GGT5: variants seen among roughly 807,000 people sequenced by gnomAD.
The protein encoded by GGT5 is glutathione hydrolase 5 proenzyme.
In GGT5, 50 loss-of-function variants were observed where a neutral mutation model predicts 58.1. The ratio of observed to expected loss-of-function variants is 0.86; its 90% CI spans 0.69 to 1.09. The LOEUF is 1.09. Ranked by LOEUF, GGT5 falls within the 50% of genes least tolerant of loss-of-function variation. GGT5 has a pLI of 0.00. For synonymous variants in GGT5, 370 were observed against 346.1 expected, an observed-to-expected ratio of 1.07 and a Z score of -0.77; for missense variants, 800 against 789.4, an observed-to-expected ratio of 1.01 and a Z score of -0.16.
In GGT5 at chr22:24,233,543, G is replaced by C; in HGVS notation, c.355C>G (p.Pro119Ala). Residue 119 changes from proline to alanine, a missense_variant, in exon 3 of 12, where the codon CCG becomes GCG. Physicochemically the swap from Pro to Ala is conservative, Grantham distance 27 (BLOSUM62 -1). Coordinates refer to ENST00000327365, the MANE Select transcript of GGT5 (RefSeq NM_004121.5). ...TGTGCACACTGGTCCAGCAGGCTCG[G>C]GGCGTGGCTGGCCGGCACCGTCTCC... is the stretch of plus-strand genomic sequence containing the variant. ...ARETVPASHA[P>A]SLLDQCAQAL... 6.2e-7 allele frequency: 1 copy of C among 1,609,736 alleles called. No individual in the cohort carries two copies. Among genetic ancestry groups the C allele is most frequent in the Non-Finnish European group, 8.5e-7 (1 of 1,179,348 alleles).
intron 1 of GGT5, among the ~76,000 whole-genome samples, chr22:24,240,012 A>G (rs1199100094): frequency 2.6e-5 from 4 of 152,166 alleles, no homozygotes; most frequent in Admixed American, 2.6e-4. Context: ...CTTGAACCCA[A>G]GAGGTGGAGG....
chr22:24,243,421 G>A (rs1274308587), intron 1 of GGT5: 6 of 152,218 alleles, frequency 3.9e-5, no homozygotes, highest in Non-Finnish European at 8.8e-5. Context: ...GGGGCGGGGG[G>A]TGGCATGAGA....
chr22:24,223,531 C>T (rs2047660976), intron 11 of GGT5, among the ~76,000 whole-genome samples: 1 of 152,096 alleles, frequency 6.6e-6, no homozygotes, highest in South Asian at 2.1e-4. Flanking sequence ...GCGAAGGACC[C>T]TACATGCGGA....
intron 6 of GGT5, among the ~76,000 whole-genome samples, chr22:24,230,490 AGAGTTTGCAATGAACC>A (rs1285473056): frequency 2.0e-5 from 3 of 152,112 alleles, no homozygotes; most frequent in Non-Finnish European, 1.5e-5. Flanking sequence ...CCCAGGAAGC[AGAGTTTGCAATGAACC>A]GAGATTGTGC....
chr22:24,222,021 A>T (rs1254866314), intron 11 of GGT5, among the ~76,000 whole-genome samples: 1 of 151,968 alleles, frequency 6.6e-6, no homozygotes, highest in Non-Finnish European at 1.5e-5. Context: ...TCTGCTAAAA[A>T]TACAAAAATT....
In GGT5 at chr22:24,232,283, G is replaced by A. The variant is rs146010576; in HGVS notation, c.597-75C>T. 589 of 829,700 alleles carry A rather than the reference G, an allele frequency of 7.1e-4. 5 individuals carry two copies. The East Asian group carries it at 0.015, about 21-fold the overall frequency. The allele number at this position is 829,700 out of a possible 1,614,324, so 51.4% of individuals were successfully genotyped here. A position where few individuals can be genotyped will look rare whatever the true frequency, so the allele number is the denominator to read the frequency against. ...ACACTCTTCCGGGGCTCTCATGGGT[G>A]GAGTCCTCAGGACCCTACAGTGGGG... On this transcript the variant is annotated intron_variant, in intron 4 of 11. Transcript: ENST00000327365.
chr22:24,244,137 C>G (rs1284403995), intron 1 of GGT5: 1 of 174,378 alleles, frequency 5.7e-6, no homozygotes, highest in African/African-American at 2.4e-5. Context: ...CAGGCGTGGA[C>G]TCACACACCA....
At chr22:24,243,998 AC>A (rs1262360652) in intron 1 of GGT5, 1 of 153,522 alleles carries the variant, frequency 6.5e-6, no homozygotes, top group Non-Finnish European at 1.5e-5. Flanking sequence ...TTCACCCATG[AC>A]CCTGGGAGAA....
intron 1 of GGT5, among the ~76,000 whole-genome samples, chr22:24,236,022 G>A (rs901942134): frequency 6.6e-6 from 1 of 152,106 alleles, no homozygotes; most frequent in East Asian, 1.9e-4. Flanking sequence ...GTCCATCCAG[G>A]CTCATGGCAT....
intron 11 of GGT5, chr22:24,220,433 C>T (rs1381508591): frequency 1.2e-5 from 6 of 514,752 alleles, no homozygotes; most frequent in Non-Finnish European, 1.9e-5. Context: ...AGGGGGCCTT[C>T]GATGGAGGAT....
intron 1 of GGT5, among the ~76,000 whole-genome samples, chr22:24,234,525 A>C (rs2048043175): frequency 6.6e-6 from 1 of 152,190 alleles, no homozygotes; most frequent in African/African-American, 2.4e-5. Context: ...GCCTATGGAA[A>C]TTCTCTGGCC....
intron 7 of GGT5, 78 bp downstream of exon 7, chr22:24,226,553 G>T: frequency 1.4e-6 from 2 of 1,472,738 alleles, no homozygotes; most frequent in Non-Finnish European, 1.9e-6. Flanking sequence ...CCCCTACCAG[G>T]CCTGACCCTC....
intron 8 of GGT5, 137 bp from the exon 9 acceptor site, chr22:24,225,789 C>A (rs1255425830): frequency 5.9e-6 from 4 of 677,544 alleles, no homozygotes; most frequent in Non-Finnish European, 7.9e-6. Flanking sequence ...CTCTCCCTGG[C>A]ACCACCCAGG....
In GGT5 at chr22:24,225,260, G is replaced by A. The variant is rs2047715490; in HGVS notation, c.1488C>T (p.Ile496=). The A allele has an allele frequency of 6.2e-7, 1 of 1,613,480 alleles. No individual in the cohort carries two copies. The highest frequency in any genetic ancestry group is 2.2e-5 in the East Asian group (1 of 44,882). ...CCAGACTCACCTGGGCCACAGCAGAGATGATGAGCTCCCCGCCAGCCCCGC... is the reference window on the plus strand; with the variant it reads ...CCAGACTCACCTGGGCCACAGCAGAAATGATGAGCTCCCCGCCAGCCCCGC... The part of the protein sequence containing the change: ...VIGGAGGELI[I]SAVAQAIMSK... The change falls in exon 10 of 12, where the codon ATC becomes ATT. Residue 496 remains isoleucine, a synonymous_variant. Coordinates refer to ENST00000327365, the MANE Select transcript of GGT5 (RefSeq NM_004121.5).
chr22:24,226,730 T>G lies in GGT5; in HGVS notation c.939A>C (p.Glu313Asp), dbSNP rs767277496. The G allele has an allele frequency of 3.1e-6, 5 of 1,613,908 alleles. No homozygotes were observed. In the Admixed American group the frequency reaches 5.0e-5, roughly 16 times the overall value. ...NFSTESMARP[E>D]GRVNVYHHLV... ...GGTGGTGGTACACGTTCACCCTCCC[T>G]TCAGGCCTGGCCATAGACTCTGTTG... Residue 313 changes from glutamate to aspartate, a missense_variant, in exon 7 of 12, where the codon GAA becomes GAC. Physicochemically the swap from Glu to Asp is conservative, Grantham distance 45. Coordinates refer to ENST00000327365, the MANE Select transcript of GGT5 (RefSeq NM_004121.5).
Position 24,233,020 on chromosome 22 carries a change from T to A in GGT5, c.401-2A>T. 1 of 1,520,416 alleles carries A rather than the reference T, an allele frequency of 6.6e-7. No homozygotes were observed. Among genetic ancestry groups the A allele is most frequent in the Admixed American group, 2.0e-5 (1 of 49,304 alleles). 94.2% of individuals were successfully genotyped at this position (1,520,416 alleles called of 1,614,324 possible). A position where few individuals can be genotyped will look rare whatever the true frequency, so the allele number is the denominator to read the frequency against. ...CGGGCACCCCGATCCACTGGGCCCC[T>A]GCATGGCACATCCCAGCTCTCAACC... On this transcript the variant is annotated splice_acceptor_variant, in intron 3 of 11. Coordinates refer to ENST00000327365, the MANE Select transcript of GGT5 (RefSeq NM_004121.5). LOFTEE classifies it high-confidence loss of function.
intron 1 of GGT5, chr22:24,241,866 G>T (rs2048336210): frequency 6.7e-6 from 1 of 150,100 alleles, no homozygotes; most frequent in Admixed American, 6.6e-5. Context: ...ACCCAGGCTG[G>T]AGTGCAGTGG....
chr22:24,230,176 T>A (rs961437743), intron 6 of GGT5, among the ~76,000 whole-genome samples: 8 of 152,050 alleles, frequency 5.3e-5, no homozygotes, highest in African/African-American at 1.9e-4. Flanking sequence ...AAGACCAGCC[T>A]GACCAACGTG....
chr22:24,238,891 T>A lies in GGT5; in HGVS notation c.174-4887A>T, dbSNP rs7286843. The stretch of plus-strand genomic sequence containing the variant: ...ATATATATAATATATATTATATATT[T>A]TATATATATATATATTATATATATT... On this transcript the variant is annotated intron_variant, in intron 1 of 11. Transcript: ENST00000327365. Among the ~76,000 whole-genome samples the A allele has an allele frequency of 1.5e-3, 14 of 9,636 alleles. 2 individuals carry two copies. Among genetic ancestry groups the A allele is most frequent in the South Asian group, 8.2e-3 (3 of 368 alleles). 6.3% of individuals were successfully genotyped at this position (9,636 alleles called of 152,430 possible).
Sources: gnomAD v4.1 joint callset for allele counts (sites outside exome capture counted in the v4.1 genomes callset) on GRCh38, gnomAD v4.1.1 for gene constraint, MANE v1.5 for transcripts, NCBI Gene and HGNC (gene_info 2026-07-23, HGNC 2026-07-21) for gene names.